GRAMD1C: variants seen among roughly 807,000 people sequenced by gnomAD.
The protein encoded by GRAMD1C is GRAM domain containing 1C.
Under a neutral mutation model 97.8 loss-of-function variants are expected in GRAMD1C, and 89 were observed. The ratio of observed to expected loss-of-function variants is 0.91; its 90% CI spans 0.77 to 1.09. The LOEUF (loss-of-function observed/expected upper bound fraction) is 1.09, where lower values mean the gene tolerates loss of function less well. Among genes scored for constraint, GRAMD1C ranks in the 50% least tolerant of loss-of-function variants. The pLI, the probability that GRAMD1C is intolerant of heterozygous loss-of-function variation, is 0.00. For synonymous variants in GRAMD1C, 256 were observed against 267.0 expected, an observed-to-expected ratio of 0.96 and a Z score of 0.40; for missense variants, 740 against 766.4, an observed-to-expected ratio of 0.97 and a Z score of 0.41.
At chr3:113,842,165 G>C (rs912936161) in intron 1 of GRAMD1C, among the ~76,000 whole-genome samples, 1 of 152,230 alleles carries the variant, frequency 6.6e-6, no homozygotes, top group Non-Finnish European at 1.5e-5. Context: ...GATGGTTAAA[G>C]TGAGGCATAC....
chr3:113,923,626 T>C (rs887113301), intron 10 of GRAMD1C, among the ~76,000 whole-genome samples: 1 of 152,196 alleles, frequency 6.6e-6, no homozygotes, highest in African/African-American at 2.4e-5. Context: ...GCCTACTTTA[T>C]TGTGGTGAAT....
chr3:113,908,014 C>G (rs1372849190), intron 8 of GRAMD1C, among the ~76,000 whole-genome samples: 1 of 152,114 alleles, frequency 6.6e-6, no homozygotes. Flanking sequence ...GCAATATAAT[C>G]CTTTAATAAA....
In GRAMD1C at chr3:113,875,565, A is replaced by C; in HGVS notation, c.341A>C (p.Asn114Thr). Residue 114 changes from asparagine (N) to threonine (T), a missense_variant, in exon 4 of 18, where the codon AAC becomes ACC. Physicochemically the swap from Asn to Thr is moderately conservative, Grantham distance 65. Transcript: ENST00000358160. Reference protein sequence around the residue: ...LSENWLCFYSNIFRWETTISI... With the variant: ...LSENWLCFYSTIFRWETTISI... ...GAAAACTGGCTATGTTTCTATAGCAACATCTTCAGATGGGAAACTACAGTA... is the reference window on the plus strand; with the variant it reads ...GAAAACTGGCTATGTTTCTATAGCACCATCTTCAGATGGGAAACTACAGTA... 6.8e-7 allele frequency: 1 copy of C among 1,470,502 alleles called. No individual in the cohort carries two copies. Among genetic ancestry groups the C allele is most frequent in the African/African-American group, 1.4e-5 (1 of 72,994 alleles). 91.1% of individuals were successfully genotyped at this position (1,470,502 alleles called of 1,614,324 possible).
chr3:113,940,683 G>T (rs1315778679), intron 17 of GRAMD1C, among the ~76,000 whole-genome samples: 1 of 151,798 alleles, frequency 6.6e-6, no homozygotes, highest in Non-Finnish European at 1.5e-5. Flanking sequence ...ATAATATTAA[G>T]CTCTTTTTAC....
chr3:113,844,125 G>C (rs1933501396), intron 1 of GRAMD1C, among the ~76,000 whole-genome samples: 2 of 152,196 alleles, frequency 1.3e-5, no homozygotes, highest in Non-Finnish European at 2.9e-5. Flanking sequence ...AATCTTTGTT[G>C]CATGTATAAA....
intron 1 of GRAMD1C, among the ~76,000 whole-genome samples, chr3:113,828,952 A>G (rs1201099867): frequency 6.6e-6 from 1 of 152,104 alleles, no homozygotes; most frequent in Non-Finnish European, 1.5e-5. Context: ...CAGTCCTTTA[A>G]TCTCAACTAG....
At chr3:113,907,378 A>G (rs1241039570) in intron 8 of GRAMD1C, among the ~76,000 whole-genome samples, 1 of 152,230 alleles carries the variant, frequency 6.6e-6, no homozygotes, top group Non-Finnish European at 1.5e-5. Flanking sequence ...TTATTCATCT[A>G]GAGACCCTTA....
intron 10 of GRAMD1C, among the ~76,000 whole-genome samples, chr3:113,926,081 A>G (rs776693823): frequency 2.5e-4 from 38 of 152,180 alleles, no homozygotes; most frequent in Non-Finnish European, 4.4e-4. Context: ...CATTTCCTGC[A>G]TTTGAATGTT....
chr3:113,896,140 C>G (rs1935934249), intron 6 of GRAMD1C, among the ~76,000 whole-genome samples: 1 of 152,156 alleles, frequency 6.6e-6, no homozygotes, highest in South Asian at 2.1e-4. Context: ...CACACACATG[C>G]TCAAGTGATG....
At chr3:113,849,611 G>T (rs1396115268) in intron 2 of GRAMD1C, among the ~76,000 whole-genome samples, 1 of 152,070 alleles carries the variant, frequency 6.6e-6, no homozygotes, top group African/African-American at 2.4e-5. Context: ...AGGGTTGGGG[G>T]TAAGGTCACA....
At chr3:113,911,184 A>ACACACACACACACACACACACACACACG (rs1005105896) in intron 9 of GRAMD1C, among the ~76,000 whole-genome samples, 11 of 151,336 alleles carry the variant, frequency 7.3e-5, no homozygotes, top group Non-Finnish European at 1.3e-4. Context: ...ACACACACAC[A>ACACACACACACACACACACACACACACG]CACACGCACA....
Position 113,924,875 on chromosome 3 carries a change from G to A in GRAMD1C, c.1091-5839G>A, listed in dbSNP as rs528114417. The stretch of plus-strand genomic sequence containing the variant: ...CTAATACTGTTAATGGGGTGTTGAA[G>A]TCTCCCACTGTTATTGTGTGGTTAT... On this transcript the variant is annotated intron_variant, in intron 10 of 17. Coordinates refer to ENST00000358160, the MANE Select transcript of GRAMD1C (RefSeq NM_017577.5). 1.2e-4 allele frequency among the ~76,000 whole-genome samples: 18 copies of A among 152,296 alleles called. No homozygotes were observed. The South Asian group carries it at 3.5e-3, about 30-fold the overall frequency.
chr3:113,875,361 A>G, intron 3 of GRAMD1C, 123 bp from the exon 4 acceptor site: 1 of 602,842 alleles, frequency 1.7e-6, no homozygotes, highest in Non-Finnish European at 3.0e-6. Context: ...AAGTAGATGA[A>G]GGAATGAATG....
chr3:113,879,243 T>C (rs955342359), intron 5 of GRAMD1C, among the ~76,000 whole-genome samples: 4 of 151,902 alleles, frequency 2.6e-5, no homozygotes, highest in Non-Finnish European at 5.9e-5. Context: ...CCGACTCTCT[T>C]TATCCTGCTT....
At position 113,876,154 on chromosome 3, in the gene GRAMD1C, T is replaced by G; in HGVS notation, c.364-11T>G. The G allele has an allele frequency of 7.3e-7, 1 of 1,371,016 alleles. No individual in the cohort carries two copies. The highest frequency in any genetic ancestry group is 1.9e-5 in the Admixed American group (1 of 53,922). 84.9% of individuals were successfully genotyped at this position (1,371,016 alleles called of 1,614,324 possible). A position where few individuals can be genotyped will look rare whatever the true frequency, so the allele number is the denominator to read the frequency against. ...TGAAAAATACATTAAAAAAATTTTT[T>G]GTGTGTTTAGATTTCTATTGCTTTA... On this transcript the variant is annotated splice_polypyrimidine_tract_variant and intron_variant, in intron 4 of 17. Coordinates refer to ENST00000358160, the MANE Select transcript of GRAMD1C (RefSeq NM_017577.5).
At chr3:113,919,673 C>A in intron 10 of GRAMD1C, 1 of 645,228 alleles carries the variant, frequency 1.5e-6, no homozygotes, top group South Asian at 1.4e-5. Context: ...TCTTATTGTT[C>A]ACCAGCTTGC....
intron 2 of GRAMD1C, among the ~76,000 whole-genome samples, chr3:113,856,377 A>G (rs1291740372): frequency 2.6e-5 from 4 of 152,166 alleles, no homozygotes; most frequent in Admixed American, 6.5e-5. Flanking sequence ...TATCACAATT[A>G]AGCTATTGAC....
chr3:113,872,111 T>C (rs907787504), intron 3 of GRAMD1C, among the ~76,000 whole-genome samples: 2 of 152,094 alleles, frequency 1.3e-5, no homozygotes, highest in Non-Finnish European at 2.9e-5. Context: ...AGTAATACAG[T>C]CCCATGATAA....
intron 2 of GRAMD1C, among the ~76,000 whole-genome samples, chr3:113,853,981 A>G (rs938906776): frequency 6.6e-6 from 1 of 152,166 alleles, no homozygotes. Flanking sequence ...TGCTTGACAA[A>G]TAGCCTGCTG....
Sources: gnomAD v4.1 joint callset for allele counts (sites outside exome capture counted in the v4.1 genomes callset) on GRCh38, gnomAD v4.1.1 for gene constraint, MANE v1.5 for transcripts, NCBI Gene and HGNC (gene_info 2026-07-23, HGNC 2026-07-21) for gene names.